The following ABCB5 variants were observed in gnomAD, a reference collection of about 807,000 sequenced individuals.
The protein encoded by ABCB5 is ATP binding cassette subfamily B member 5.
ABCB5 carries 155 observed loss-of-function variants against 144.2 expected under a neutral mutation model. That is an observed-to-expected ratio of 1.08 (90% CI 0.94 to 1.23). The LOEUF is 1.23. ABCB5 is among the 50% of genes most tolerant of loss of function. The pLI, the probability that ABCB5 is intolerant of heterozygous loss-of-function variation, is 0.00. For synonymous variants in ABCB5, 610 were observed against 528.6 expected, an observed-to-expected ratio of 1.15 and a Z score of -2.11; for missense variants, 1,830 against 1,520.8, an observed-to-expected ratio of 1.20 and a Z score of -3.38.
At position 20,685,774 on chromosome 7, in the gene ABCB5, T is replaced by C; in HGVS notation, c.1948T>C (p.Ser650Pro). ...ERKTNSLPLHSVKSIKSDFID... is the reference protein window; with the variant it reads ...ERKTNSLPLHPVKSIKSDFID... ...AAAGACCAACTCACTTCCTCTGCAC[T>C]CTGTGAAGAGCATCAAGTCAGACTT... The change falls in exon 16 of 28, where the codon TCT becomes CCT. Residue 650 changes from serine (S) to proline (P), a missense_variant. By Grantham distance (74) the Ser-to-Pro change is moderately conservative. Transcript: ENST00000404938. The C allele has an allele frequency of 1.2e-6, 2 of 1,613,084 alleles. No individual in the cohort carries two copies. The highest frequency in any genetic ancestry group is 2.2e-5 in the East Asian group (1 of 44,844).
At chr7:20,677,274 G>C (rs987746332) in intron 14 of ABCB5, among the ~76,000 whole-genome samples, 17 of 152,102 alleles carry the variant, frequency 1.1e-4, no homozygotes, top group African/African-American at 4.1e-4. Flanking sequence ...GCACAGGTAG[G>C]GCTGCTAGAG....
chr7:20,669,013 A>C (rs868632741), intron 14 of ABCB5, among the ~76,000 whole-genome samples: 5 of 82,322 alleles, frequency 6.1e-5, no homozygotes, highest in African/African-American at 1.8e-4. Flanking sequence ...CGCCCTATCC[A>C]GGAGGTGAGG....
chr7:20,681,092 CTTTCTTTCTTTCTTTCTTTCTTT>C (rs879742563), intron 14 of ABCB5, among the ~76,000 whole-genome samples: 40,767 of 69,722 alleles, frequency 0.58, 9,951 homozygotes, highest in South Asian at 0.68. Flanking sequence ...TTCTTTCTTT[CTTTCTTTCTTTCTTTCTTTCTTT>C]CTTTCTTTCT....
chr7:20,661,540 CTT>C (rs71555814), intron 14 of ABCB5, among the ~76,000 whole-genome samples: 7 of 139,932 alleles, frequency 5.0e-5, no homozygotes, highest in Non-Finnish European at 4.6e-5. Context: ...TTTTCTTTTT[CTT>C]TTTTTTTTTT....
chr7:20,716,465 T>C (rs969147381), intron 20 of ABCB5, among the ~76,000 whole-genome samples: 1 of 152,208 alleles, frequency 6.6e-6, no homozygotes, highest in Non-Finnish European at 1.5e-5. Context: ...ATTTAGTATT[T>C]TTTTAGGAGC....
chr7:20,667,712 TGCCCCTGCCC>T (rs1785248833), intron 14 of ABCB5: 4 of 145,090 alleles, frequency 2.8e-5, no homozygotes, highest in Non-Finnish European at 4.0e-5. Context: ...CCCCTGCCCC[TGCCCCTGCCC>T]CTGCCCCTGC....
chr7:20,754,393 T>C (rs1783020510), intron 27 of ABCB5, among the ~76,000 whole-genome samples: 1 of 152,254 alleles, frequency 6.6e-6, no homozygotes, highest in Non-Finnish European at 1.5e-5. Context: ...GCTGTAATCC[T>C]TACTTCATCA....
intron 14 of ABCB5, chr7:20,660,339 C>T: frequency 1.0e-6 from 1 of 985,250 alleles, no homozygotes; most frequent in Non-Finnish European, 1.2e-6. Flanking sequence ...AATTCATTTA[C>T]TGTCCCTGTT....
At chr7:20,711,843 TC>T (rs1562573777) in intron 20 of ABCB5, among the ~76,000 whole-genome samples, 1 of 55,290 alleles carries the variant, frequency 1.8e-5, no homozygotes, top group South Asian at 5.6e-4. Flanking sequence ...TTTCTTTCTT[TC>T]TTTTCTTTCT....
At chr7:20,621,390 T>A (rs1583372544) in intron 1 of ABCB5, among the ~76,000 whole-genome samples, 1 of 152,158 alleles carries the variant, frequency 6.6e-6, no homozygotes, top group Non-Finnish European at 1.5e-5. Flanking sequence ...AATTTTGTTA[T>A]GTATATTTTG....
chr7:20,662,305 T>C (rs947249922), intron 14 of ABCB5, among the ~76,000 whole-genome samples: 4 of 152,234 alleles, frequency 2.6e-5, no homozygotes, highest in Non-Finnish European at 5.9e-5. Context: ...TTTCTCCCTA[T>C]GATGCGCCCC....
At chr7:20,661,942 T>C (rs1785017144) in intron 14 of ABCB5, among the ~76,000 whole-genome samples, 2 of 152,226 alleles carry the variant, frequency 1.3e-5, no homozygotes, top group Non-Finnish European at 2.9e-5. Flanking sequence ...AAGGTTCATG[T>C]CATAGGGTGT....
intron 15 of ABCB5, among the ~76,000 whole-genome samples, chr7:20,683,266 T>A (rs955022271): frequency 6.6e-6 from 1 of 152,220 alleles, no homozygotes; most frequent in South Asian, 2.1e-4. Flanking sequence ...TTTTTATTAA[T>A]TGAAAAACTG....
chr7:20,630,026 C>G (rs376009101), intron 4 of ABCB5, among the ~76,000 whole-genome samples: 1 of 151,990 alleles, frequency 6.6e-6, no homozygotes, highest in South Asian at 2.1e-4. Flanking sequence ...AGGCATCTTT[C>G]GTGTATCGTT....
intron 2 of ABCB5, among the ~76,000 whole-genome samples, chr7:20,623,551 A>AG (rs1452719590): frequency 6.6e-6 from 1 of 152,218 alleles, no homozygotes. Context: ...TTATTTATCC[A>AG]GGATTTATTG....
intron 5 of ABCB5, among the ~76,000 whole-genome samples, chr7:20,634,114 T>A (rs34322449): frequency 0.38 from 57,282 of 151,346 alleles, 11,625 homozygotes; most frequent in African/African-American, 0.53. Flanking sequence ...AAGTGAGAAC[T>A]TGTGGTATTT....
At chr7:20,619,858 G>C (rs1307053727) in intron 1 of ABCB5, among the ~76,000 whole-genome samples, 1 of 152,130 alleles carries the variant, frequency 6.6e-6, no homozygotes, top group East Asian at 1.9e-4. Flanking sequence ...TTTATCTATG[G>C]TGAAATGTAG....
At chr7:20,623,012 C>A (rs59953213) in intron 1 of ABCB5, among the ~76,000 whole-genome samples, 1,804 of 152,120 alleles carry the variant, frequency 0.012, 35 homozygotes, top group African/African-American at 0.04. Context: ...TCTTTTATTC[C>A]AATTCTAACA....
intron 20 of ABCB5, among the ~76,000 whole-genome samples, chr7:20,713,052 C>T (rs1328687258): frequency 6.7e-6 from 1 of 149,408 alleles, no homozygotes; most frequent in Non-Finnish European, 1.5e-5. Flanking sequence ...TTCTCAACCC[C>T]CTGAATCCCC....
Sources: allele counts gnomAD v4.1 joint callset (sites outside exome capture counted in the v4.1 genomes callset), GRCh38; gene constraint gnomAD v4.1.1; transcripts MANE v1.5; gene names NCBI Gene and HGNC (gene_info 2026-07-23, HGNC 2026-07-21).